The following TMEM178B variants were observed in gnomAD, a reference collection of about 807,000 sequenced individuals.
TMEM178B encodes transmembrane protein 178B.
In TMEM178B, 5 loss-of-function variants were observed where a neutral mutation model predicts 31.0. The ratio of observed to expected loss-of-function variants is 0.16; its 90% CI spans 0.08 to 0.34. The LOEUF (loss-of-function observed/expected upper bound fraction) is 0.34, where lower values mean the gene tolerates loss of function less well. Ranked by LOEUF, TMEM178B falls within the 10% of genes least tolerant of loss-of-function variation. The pLI, the probability that TMEM178B is intolerant of heterozygous loss-of-function variation, is 1.00. For synonymous variants in TMEM178B, 164 were observed against 164.0 expected (o/e 1.00, Z 0.00); for missense variants, 275 against 400.3 (o/e 0.69, Z 2.67).
chr7:141,330,090 T>C (rs1026206826), intron 2 of TMEM178B, among the ~76,000 whole-genome samples: 5 of 152,162 alleles, frequency 3.3e-5, no homozygotes, highest in African/African-American at 9.7e-5. Context: ...AGGGCTTTTT[T>C]TTTTGGTTGA....
At chr7:141,135,384 G>A (rs569870736) in intron 1 of TMEM178B, among the ~76,000 whole-genome samples, 8 of 152,258 alleles carry the variant, frequency 5.3e-5, no homozygotes, top group African/African-American at 1.4e-4. Context: ...AAATGGATGT[G>A]ACAGACATTT....
At chr7:141,207,715 G>T (rs1354747172) in intron 1 of TMEM178B, among the ~76,000 whole-genome samples, 1 of 152,084 alleles carries the variant, frequency 6.6e-6, no homozygotes, top group Admixed American at 6.5e-5. Flanking sequence ...TGACATATGG[G>T]CAGGAGGGGT....
chr7:141,418,316 A>G (rs960007008), intron 2 of TMEM178B, among the ~76,000 whole-genome samples: 2 of 151,916 alleles, frequency 1.3e-5, no homozygotes, highest in Non-Finnish European at 2.9e-5. Flanking sequence ...CAGTAACCCA[A>G]TGAAATTGAC....
At chr7:141,137,340 A>G (rs192568574) in intron 1 of TMEM178B, among the ~76,000 whole-genome samples, 5 of 152,330 alleles carry the variant, frequency 3.3e-5, no homozygotes, top group Admixed American at 3.3e-4. Flanking sequence ...GAATAGATAA[A>G]GGAAATGTGG....
chr7:141,257,585 A>G (rs1797947928), intron 2 of TMEM178B, among the ~76,000 whole-genome samples: 1 of 152,146 alleles, frequency 6.6e-6, no homozygotes, highest in Non-Finnish European at 1.5e-5. Context: ...TCCCACTCTG[A>G]CTGCAAAAAC....
At position 141,309,148 on chromosome 7, in the gene TMEM178B, GA is replaced by G. The variant is rs147076405; in HGVS notation, c.496+96450del. On this transcript the variant is annotated intron_variant, in intron 2 of 3. Transcript: ENST00000565468. Reference sequence around the variant, plus strand: ...TTATAAAATAACTTGGAAAAGTATAGAAAAAATTAAAGAAGAAAATAAAAAT... The same window carrying G: ...TTATAAAATAACTTGGAAAAGTATAGAAAAATTAAAGAAGAAAATAAAAAT... 1.7e-3 allele frequency among the ~76,000 whole-genome samples: 264 copies of G among 152,184 alleles called. 2 individuals are homozygous for G. The highest frequency in any genetic ancestry group is 6.0e-3 in the African/African-American group (250 of 41,536).
At chr7:141,317,646 C>T (rs912929565) in intron 2 of TMEM178B, among the ~76,000 whole-genome samples, 1 of 152,188 alleles carries the variant, frequency 6.6e-6, no homozygotes. Context: ...GATAAAGAAT[C>T]TCTGTGTGCT....
chr7:141,463,132 C>A (rs973163603), intron 3 of TMEM178B, among the ~76,000 whole-genome samples: 4 of 152,194 alleles, frequency 2.6e-5, no homozygotes, highest in Non-Finnish European at 4.4e-5. Flanking sequence ...TCTAAGTGGA[C>A]TCCTGAACTC....
chr7:141,368,963 G>A (rs1428451213), intron 2 of TMEM178B, among the ~76,000 whole-genome samples: 1 of 152,208 alleles, frequency 6.6e-6, no homozygotes, highest in Non-Finnish European at 1.5e-5. Flanking sequence ...TGGTGGGAAA[G>A]ACTGACATGT....
intron 2 of TMEM178B, among the ~76,000 whole-genome samples, chr7:141,219,358 G>T (rs962158273): frequency 1.3e-5 from 2 of 152,172 alleles, no homozygotes; most frequent in Admixed American, 1.3e-4. Flanking sequence ...AGAAGCTCAG[G>T]TCCCCTGCAG....
At chr7:141,315,850 G>C (rs17162077) in intron 2 of TMEM178B, among the ~76,000 whole-genome samples, 47,999 of 152,056 alleles carry the variant, frequency 0.32, 9,659 homozygotes, top group African/African-American at 0.56. Flanking sequence ...GTATTTCAAA[G>C]AGCTATTTTA....
At chr7:141,223,850 A>G (rs1372269950) in intron 2 of TMEM178B, among the ~76,000 whole-genome samples, 2 of 152,192 alleles carry the variant, frequency 1.3e-5, no homozygotes, top group African/African-American at 4.8e-5. Context: ...ACAAGCCACA[A>G]GTGGCTACTG....
intron 3 of TMEM178B, among the ~76,000 whole-genome samples, chr7:141,460,449 T>C (rs1346786099): frequency 6.6e-6 from 1 of 152,230 alleles, no homozygotes; most frequent in Non-Finnish European, 1.5e-5. Flanking sequence ...CCAAATGTAG[T>C]CACATATGAA....
chr7:141,500,107 A>T, the TMEM178B span, among the ~76,000 whole-genome samples: 1 of 152,204 alleles, frequency 6.6e-6, no homozygotes, highest in Non-Finnish European at 1.5e-5. Context: ...CCAGATTGAG[A>T]ATGATAACGA....
At chr7:141,292,982 T>C (rs771985869) in intron 2 of TMEM178B, among the ~76,000 whole-genome samples, 2 of 151,848 alleles carry the variant, frequency 1.3e-5, no homozygotes, top group Admixed American at 6.6e-5. Flanking sequence ...TCTGTGGAAG[T>C]GTTGAGCCTG....
At chr7:141,357,839 A>G (rs1023906388) in intron 2 of TMEM178B, among the ~76,000 whole-genome samples, 2 of 152,206 alleles carry the variant, frequency 1.3e-5, no homozygotes, top group Non-Finnish European at 1.5e-5. Context: ...AGTGTATTCT[A>G]TTTTGTACAT....
At position 141,440,736 on chromosome 7, in the gene TMEM178B, A is replaced by T. The variant is rs73169567; in HGVS notation, c.634+2991A>T. On this transcript the variant is annotated intron_variant, in intron 3 of 3. Transcript: ENST00000565468. ...GATACAGTGTTAGCATCACAGAAAG[A>T]TCTGGGGAAGCTGCTGTTCTAAAAG... 8.4e-3 allele frequency among the ~76,000 whole-genome samples: 1,278 copies of T among 152,308 alleles called. 11 individuals carry two copies. Among genetic ancestry groups the T allele is most frequent in the Non-Finnish European group, 0.014 (945 of 68,028 alleles).
intron 3 of TMEM178B, among the ~76,000 whole-genome samples, chr7:141,457,519 C>T (rs950609546): frequency 4.6e-5 from 7 of 152,048 alleles, no homozygotes; most frequent in Non-Finnish European, 1.0e-4. Context: ...ACTGTGACTA[C>T]AGAATGGCTT....
At chr7:141,440,579 G>A (rs996275406) in intron 3 of TMEM178B, among the ~76,000 whole-genome samples, 3 of 152,036 alleles carry the variant, frequency 2.0e-5, no homozygotes, top group African/African-American at 7.2e-5. Flanking sequence ...GCAAGAGACA[G>A]GGCAGGGCTG....
Sources: gnomAD v4.1 joint callset for allele counts (sites outside exome capture counted in the v4.1 genomes callset) on GRCh38, gnomAD v4.1.1 for gene constraint, MANE v1.5 for transcripts, NCBI Gene and HGNC (gene_info 2026-07-23, HGNC 2026-07-21) for gene names.